The following CAB39L variants were observed in gnomAD, a reference collection of about 807,000 sequenced individuals.
The protein encoded by CAB39L is calcium-binding protein 39-like.
CAB39L carries 23 observed loss-of-function variants against 39.1 expected under a neutral mutation model. The ratio of observed to expected loss-of-function variants is 0.59; its 90% CI spans 0.42 to 0.83. The LOEUF (loss-of-function observed/expected upper bound fraction) is 0.83. Ranked by LOEUF, CAB39L falls within the 40% of genes least tolerant of loss-of-function variation. The probability of loss-of-function intolerance (pLI) is 0.00; values close to 1 mark genes in which losing one functional copy is unlikely to be tolerated. For synonymous variants in CAB39L, 126 were observed against 137.2 expected (o/e 0.92, Z 0.57); for missense variants, 366 against 391.9 (o/e 0.93, Z 0.56).
intron 10 of CAB39L, among the ~76,000 whole-genome samples, chr13:49,321,595 C>T (rs1345023325): frequency 6.6e-6 from 1 of 152,162 alleles, no homozygotes; most frequent in Admixed American, 6.5e-5. Context: ...AGTGACTACA[C>T]GACAGTATGG....
At chr13:49,415,440 G>C (rs578150442) in intron 3 of CAB39L, among the ~76,000 whole-genome samples, 1 of 149,516 alleles carries the variant, frequency 6.7e-6, no homozygotes, top group South Asian at 2.1e-4. Context: ...AGAATCACTT[G>C]AATCTGGGAG....
At chr13:49,371,334 C>T (rs1001542601) in intron 5 of CAB39L, among the ~76,000 whole-genome samples, 12 of 152,042 alleles carry the variant, frequency 7.9e-5, no homozygotes, top group Admixed American at 6.5e-5. Flanking sequence ...ATTACAGGTG[C>T]ATGCCACCAT....
At chr13:49,405,592 T>C (rs113963920) in intron 3 of CAB39L, among the ~76,000 whole-genome samples, 54 of 151,912 alleles carry the variant, frequency 3.6e-4, no homozygotes, top group Admixed American at 7.2e-4. Context: ...CTGAATAACA[T>C]AGCAAGACCT....
At chr13:49,414,969 G>A (rs919172635) in intron 3 of CAB39L, among the ~76,000 whole-genome samples, 4 of 152,184 alleles carry the variant, frequency 2.6e-5, no homozygotes, top group African/African-American at 9.6e-5. Flanking sequence ...CGAGGTGGAG[G>A]TGGATCACTT....
chr13:49,441,489 C>T (rs892302445), intron 1 of CAB39L, among the ~76,000 whole-genome samples: 33 of 151,650 alleles, frequency 2.2e-4, no homozygotes, highest in African/African-American at 8.0e-4. Context: ...TTCACTTGAG[C>T]CTGGGGGGTC....
rs770295695 is a variant in CAB39L, at chr13:49,331,904, A to G, written c.834+43T>C. ...GGAGTTTGCCATTTGGAACTGGAAA[A>G]AAAATTGCCTACAACATTGTTTCCA... On this transcript the variant is annotated intron_variant, in intron 10 of 10. Coordinates refer to ENST00000409308, the MANE Select transcript of CAB39L (RefSeq NM_001079670.3). 2.1e-4 allele frequency: 334 copies of G among 1,600,924 alleles called. 1 individual carries two copies. The highest frequency in any genetic ancestry group is 2.7e-4 in the Non-Finnish European group (319 of 1,170,572).
chr13:49,340,146 T>C, intron 8 of CAB39L, among the ~76,000 whole-genome samples: 1 of 152,196 alleles, frequency 6.6e-6, no homozygotes, highest in East Asian at 1.9e-4. Context: ...AATCAGACTG[T>C]TCAATTCACT....
chr13:49,387,282 G>A (rs954683425), intron 3 of CAB39L, among the ~76,000 whole-genome samples: 3 of 152,230 alleles, frequency 2.0e-5, no homozygotes, highest in Non-Finnish European at 4.4e-5. Flanking sequence ...CAAAAGGAAT[G>A]GAGAGGCCTG....
chr13:49,362,683 T>C (rs1955668506), intron 5 of CAB39L, among the ~76,000 whole-genome samples: 2 of 151,646 alleles, frequency 1.3e-5, no homozygotes, highest in Admixed American at 1.3e-4. Context: ...GAAAACTTAC[T>C]CTAAGAGATA....
intron 9 of CAB39L, among the ~76,000 whole-genome samples, chr13:49,339,213 C>T (rs754270946): frequency 6.7e-6 from 1 of 149,396 alleles, no homozygotes; most frequent in Non-Finnish European, 1.5e-5. Flanking sequence ...TCACTGCAAC[C>T]TCCACCTCCC....
intron 9 of CAB39L, among the ~76,000 whole-genome samples, chr13:49,336,483 G>A (rs1051077236): frequency 6.6e-6 from 1 of 152,200 alleles, no homozygotes; most frequent in African/African-American, 2.4e-5. Context: ...AAACAGGAAA[G>A]ATGCCTCGTG....
intron 10 of CAB39L, among the ~76,000 whole-genome samples, chr13:49,321,023 C>T (rs908034018): frequency 2.6e-5 from 4 of 152,170 alleles, no homozygotes; most frequent in African/African-American, 9.7e-5. Flanking sequence ...CTCTAAAAAC[C>T]TCTAGAATCT....
chr13:49,373,783 C>A (rs1485488735), intron 5 of CAB39L, among the ~76,000 whole-genome samples: 5 of 152,148 alleles, frequency 3.3e-5, no homozygotes. Context: ...TGTCCCAGTG[C>A]AAGCCATGAA....
At chr13:49,417,595 C>CAAATTACAGAAGCA (rs1555265543) in intron 3 of CAB39L, among the ~76,000 whole-genome samples, 4 of 151,422 alleles carry the variant, frequency 2.6e-5, no homozygotes, top group Non-Finnish European at 5.9e-5. Context: ...CTGGCAGAAG[C>CAAATTACAGAAGCA]AAATAACAGA....
intron 3 of CAB39L, among the ~76,000 whole-genome samples, chr13:49,429,264 T>TA (rs1291569823): frequency 6.6e-6 from 1 of 152,174 alleles, no homozygotes; most frequent in Non-Finnish European, 1.5e-5. Flanking sequence ...GGCTAATTTT[T>TA]AAAATTTTTT....
At chr13:49,441,221 G>GTA (rs59783079) in intron 1 of CAB39L, among the ~76,000 whole-genome samples, 10,382 of 121,256 alleles carry the variant, frequency 0.086, 610 homozygotes, top group Non-Finnish European at 0.11. Context: ...ATGATTTAGT[G>GTA]TATATATATA....
chr13:49,376,839 A>C (rs1594016261), intron 5 of CAB39L, 128 bp downstream of exon 5: 1 of 726,634 alleles, frequency 1.4e-6, no homozygotes, highest in East Asian at 2.6e-5. Context: ...TTTTAGAAAA[A>C]ACTTTAAAAA....
intron 9 of CAB39L, among the ~76,000 whole-genome samples, chr13:49,336,087 C>A (rs980871347): frequency 1.3e-5 from 2 of 149,918 alleles, no homozygotes; most frequent in Non-Finnish European, 3.0e-5. Flanking sequence ...AAAGGAAAAA[C>A]CAAAATTGCA....
At chr13:49,433,848 T>C (rs1464941024) in intron 2 of CAB39L, among the ~76,000 whole-genome samples, 2 of 152,214 alleles carry the variant, frequency 1.3e-5, no homozygotes, top group East Asian at 3.8e-4. Context: ...TATTGTTTCC[T>C]AGCACAAAAC....
Sources: gnomAD v4.1 joint callset for allele counts (sites outside exome capture counted in the v4.1 genomes callset) on GRCh38, gnomAD v4.1.1 for gene constraint, MANE v1.5 for transcripts, NCBI Gene and HGNC (gene_info 2026-07-23, HGNC 2026-07-21) for gene names.